FMN1: variants seen among roughly 807,000 people sequenced by gnomAD.
FMN1 encodes the protein formin 1.
FMN1 carries 110 observed loss-of-function variants against 132.4 expected under a neutral mutation model. The ratio of observed to expected loss-of-function variants is 0.83; its 90% confidence interval spans 0.71 to 0.97. FMN1 has a LOEUF of 0.97. FMN1 is among the 50% of genes least tolerant of loss of function. The probability of loss-of-function intolerance (pLI) is 0.00; values close to 1 mark genes in which losing one functional copy is unlikely to be tolerated. For missense variants in FMN1, 1,792 were observed against 1,705.3 expected (o/e 1.05, Z -0.90); for synonymous variants, 722 against 651.7 (o/e 1.11, Z -1.64).
intron 9 of FMN1, among the ~76,000 whole-genome samples, chr15:32,932,301 T>C (rs527604486): frequency 9.0e-4 from 137 of 152,296 alleles, no homozygotes; most frequent in Non-Finnish European, 1.7e-3. Context: ...CTTGGGAGGC[T>C]GAGGCAGGAA....
intron 7 of FMN1, among the ~76,000 whole-genome samples, chr15:32,990,367 C>T (rs1376293199): frequency 2.0e-5 from 3 of 151,998 alleles, no homozygotes; most frequent in East Asian, 3.9e-4. Flanking sequence ...GGGAGGAGTT[C>T]GAGGATGTCA....
intron 5 of FMN1, among the ~76,000 whole-genome samples, chr15:33,071,814 C>CAA (rs2038009988): frequency 6.6e-6 from 1 of 152,196 alleles, no homozygotes; most frequent in Admixed American, 6.5e-5. Flanking sequence ...TTCAAATAAG[C>CAA]AACCTACAAA....
intron 4 of FMN1, among the ~76,000 whole-genome samples, chr15:33,148,481 C>G (rs1289974945): frequency 2.6e-5 from 4 of 152,330 alleles, no homozygotes; most frequent in Middle Eastern, 3.4e-3. Flanking sequence ...ACCACAGCCC[C>G]TGGCTTGGCT....
intron 12 of FMN1, among the ~76,000 whole-genome samples, chr15:32,902,691 A>T (rs347923): frequency 0.023 from 3,532 of 152,308 alleles, 139 homozygotes; most frequent in African/African-American, 0.081. Context: ...AAAATGTGGC[A>T]AGACAGATCT....
chr15:33,157,662 A>G (rs1964727655), intron 3 of FMN1, among the ~76,000 whole-genome samples: 1 of 152,074 alleles, frequency 6.6e-6, no homozygotes, highest in Non-Finnish European at 1.5e-5. Context: ...TTGGTGTTAC[A>G]TAATTTCTTA....
In FMN1 at chr15:33,123,870, A is replaced by G. The variant is rs1432435347; in HGVS notation, c.1867+29178T>C. ...ATATAACCAAAAAGTCCAGGATTAC[A>G]GGCATGGAGCTCAAATGATATAAGG... is the stretch of plus-strand genomic sequence containing the variant. On this transcript the variant is annotated intron_variant, in intron 4 of 20. Coordinates refer to ENST00000616417, the MANE Select transcript of FMN1 (RefSeq NM_001277313.2). Among the ~76,000 whole-genome samples the G allele has an allele frequency of 3.9e-5, 6 of 152,374 alleles. No homozygotes were observed. In the East Asian group the frequency reaches 7.7e-4, roughly 20 times the overall value.
Position 32,952,496 on chromosome 15 carries a change from C to G in FMN1, c.3138+11611G>C, listed in dbSNP as rs2061675467. 2.0e-5 allele frequency among the ~76,000 whole-genome samples: 3 copies of G among 152,282 alleles called. No individual in the cohort carries two copies. The South Asian group carries it at 6.2e-4, about 32-fold the overall frequency. ...CGAATTGGACAGGAAGGAAGCAAAC[C>G]ACACCCAAGGTGAAGGCTCCAAAAT... On this transcript the variant is annotated intron_variant, in intron 9 of 20. Transcript: ENST00000616417.
intron 9 of FMN1, among the ~76,000 whole-genome samples, chr15:32,927,263 CAATT>C (rs1376707190): frequency 2.0e-5 from 3 of 151,994 alleles, no homozygotes; most frequent in Admixed American, 2.0e-4. Context: ...TTAAATTAAT[CAATT>C]AATTTTTGAG....
chr15:32,922,577 G>T (rs2060857504), intron 10 of FMN1, among the ~76,000 whole-genome samples: 1 of 143,048 alleles, frequency 7.0e-6, no homozygotes, highest in South Asian at 2.2e-4. Context: ...TCTTACAAAA[G>T]AAGAAGAGAA....
At chr15:33,013,918 G>A (rs1210763617) in intron 6 of FMN1, among the ~76,000 whole-genome samples, 1 of 152,188 alleles carries the variant, frequency 6.6e-6, no homozygotes, top group Non-Finnish European at 1.5e-5. Flanking sequence ...TGTGTAAATT[G>A]TACCTATATG....
intron 7 of FMN1, among the ~76,000 whole-genome samples, chr15:32,972,857 A>G (rs1219502781): frequency 6.6e-6 from 1 of 152,226 alleles, no homozygotes; most frequent in African/African-American, 2.4e-5. Flanking sequence ...AACAGGTTGG[A>G]AAGTGAACTC....
intron 4 of FMN1, among the ~76,000 whole-genome samples, chr15:33,112,421 T>C (rs2039745009): frequency 6.6e-6 from 1 of 152,192 alleles, no homozygotes; most frequent in Non-Finnish European, 1.5e-5. Context: ...TACATAATTC[T>C]TTTAATTAAG....
chr15:32,890,484 G>A (rs1266316569), intron 15 of FMN1, among the ~76,000 whole-genome samples: 1 of 152,112 alleles, frequency 6.6e-6, no homozygotes, highest in Non-Finnish European at 1.5e-5. Flanking sequence ...AGGCAGTATC[G>A]CATTGTGGTT....
At chr15:32,950,636 G>A (rs1040305704) in intron 9 of FMN1, among the ~76,000 whole-genome samples, 2 of 152,114 alleles carry the variant, frequency 1.3e-5, no homozygotes, top group African/African-American at 4.8e-5. Flanking sequence ...GGAGTTAAAT[G>A]ATGAGAACAC....
chr15:32,966,485 GGA>G (rs1555506520), intron 8 of FMN1, among the ~76,000 whole-genome samples: 1 of 151,938 alleles, frequency 6.6e-6, no homozygotes, highest in South Asian at 2.1e-4. Context: ...GAAGGCAGGG[GGA>G]GAGAGAGAGA....
intron 12 of FMN1, among the ~76,000 whole-genome samples, chr15:32,907,879 G>C (rs576090658): frequency 6.6e-6 from 1 of 152,064 alleles, no homozygotes; most frequent in Non-Finnish European, 1.5e-5. Context: ...CTATGGCTTC[G>C]AGACCCCAAG....
chr15:32,929,960 A>T (rs1168970624), intron 9 of FMN1, among the ~76,000 whole-genome samples: 1 of 148,472 alleles, frequency 6.7e-6, no homozygotes, highest in Non-Finnish European at 1.5e-5. Flanking sequence ...TTAATGGATC[A>T]TATGGTAGTT....
chr15:32,954,947 G>A (rs1336940185), intron 9 of FMN1, among the ~76,000 whole-genome samples: 2 of 152,232 alleles, frequency 1.3e-5, no homozygotes. Context: ...GGTGGAGGTT[G>A]CAGTGACTAG....
intron 7 of FMN1, among the ~76,000 whole-genome samples, chr15:32,980,795 C>T (rs971555065): frequency 6.6e-6 from 1 of 152,108 alleles, no homozygotes; most frequent in Admixed American, 6.6e-5. Context: ...GAAGGCGGAT[C>T]TGAGGTTAGG....
Sources: allele counts gnomAD v4.1 joint callset (sites outside exome capture counted in the v4.1 genomes callset), GRCh38; gene constraint gnomAD v4.1.1; transcripts MANE v1.5; gene names NCBI Gene and HGNC (gene_info 2026-07-23, HGNC 2026-07-21).